The following HMGCLL1 variants were observed in gnomAD, a reference collection of about 807,000 sequenced individuals.
HMGCLL1 encodes the protein 3-hydroxy-3-methylglutaryl-CoA lyase like 1.
In HMGCLL1, 36 loss-of-function variants were observed where a neutral mutation model predicts 39.1. The ratio of observed to expected loss-of-function variants is 0.92; its 90% CI spans 0.71 to 1.22. The LOEUF (loss-of-function observed/expected upper bound fraction) is 1.22, where lower values mean the gene tolerates loss of function less well. Among genes scored for constraint, HMGCLL1 ranks in the 50% most tolerant of loss-of-function variants. The probability of loss-of-function intolerance (pLI) is 0.00; values close to 1 mark genes in which losing one functional copy is unlikely to be tolerated. For synonymous variants in HMGCLL1, 149 were observed against 144.0 expected (o/e 1.03, Z -0.25); for missense variants, 451 against 416.5 (o/e 1.08, Z -0.72).
intron 7 of HMGCLL1, among the ~76,000 whole-genome samples, chr6:55,489,204 T>C (rs1766193300): frequency 6.6e-6 from 1 of 151,966 alleles, no homozygotes; most frequent in African/African-American, 2.4e-5. Context: ...AGTTTAAAAA[T>C]AAAAAGCTTA....
chr6:55,518,043 A>T (rs73746356), intron 3 of HMGCLL1, among the ~76,000 whole-genome samples: 1 of 152,138 alleles, frequency 6.6e-6, no homozygotes, highest in African/African-American at 2.4e-5. Context: ...ACAATGCATA[A>T]AAGTGATATC....
the HMGCLL1 span, among the ~76,000 whole-genome samples, chr6:55,609,307 C>T: frequency 6.6e-6 from 1 of 152,140 alleles, no homozygotes; most frequent in Non-Finnish European, 1.5e-5. Flanking sequence ...AGGGCAGCAG[C>T]CATCACTGTA....
the HMGCLL1 span, among the ~76,000 whole-genome samples, chr6:55,619,244 G>A: frequency 1.3e-5 from 2 of 151,998 alleles, no homozygotes; most frequent in Non-Finnish European, 2.9e-5. Context: ...CATGTGTTAC[G>A]AAGTTGAATA....
the HMGCLL1 span, among the ~76,000 whole-genome samples, chr6:55,671,555 G>A: frequency 1.3e-5 from 2 of 151,768 alleles, no homozygotes; most frequent in African/African-American, 2.4e-5. Context: ...CCTAGTAGTA[G>A]GTACAACTGG....
At chr6:55,446,561 C>A (rs1436844921) in intron 7 of HMGCLL1, among the ~76,000 whole-genome samples, 2 of 151,698 alleles carry the variant, frequency 1.3e-5, no homozygotes, top group African/African-American at 2.4e-5. Flanking sequence ...TGGAGGAGAG[C>A]AAATTGCCTG....
the HMGCLL1 span, among the ~76,000 whole-genome samples, chr6:55,669,637 G>T: frequency 2.6e-5 from 4 of 151,806 alleles, no homozygotes; most frequent in African/African-American, 9.6e-5. Flanking sequence ...AAGCTACAAA[G>T]TATCAGCAAA....
intron 1 of HMGCLL1, chr6:55,576,956 T>C (rs1026201118): frequency 2.3e-6 from 3 of 1,296,512 alleles, no homozygotes; most frequent in South Asian, 3.0e-5. Flanking sequence ...TCAAGAGAAA[T>C]AGGGGAATGT....
chr6:55,546,215 A>G (rs929593550), intron 1 of HMGCLL1, among the ~76,000 whole-genome samples: 1 of 152,110 alleles, frequency 6.6e-6, no homozygotes, highest in African/African-American at 2.4e-5. Context: ...CAAAATTTTT[A>G]TTGATTTTAT....
At chr6:55,465,835 G>A (rs1764776729) in intron 7 of HMGCLL1, among the ~76,000 whole-genome samples, 1 of 152,042 alleles carries the variant, frequency 6.6e-6, no homozygotes, top group East Asian at 1.9e-4. Context: ...CATTTTGTAA[G>A]AGTGTAAAAT....
At chr6:55,653,675 C>T in the HMGCLL1 span, among the ~76,000 whole-genome samples, 5 of 151,906 alleles carry the variant, frequency 3.3e-5, no homozygotes, top group Non-Finnish European at 5.9e-5. Flanking sequence ...CAGCCACAGG[C>T]AGAGCCCTTA....
the HMGCLL1 span, among the ~76,000 whole-genome samples, chr6:55,669,707 C>A: frequency 6.6e-5 from 10 of 151,236 alleles, no homozygotes; most frequent in Non-Finnish European, 8.9e-5. Context: ...ATTCAATAAC[C>A]CAAATTAAAG....
At chr6:55,642,310 G>T in the HMGCLL1 span, among the ~76,000 whole-genome samples, 2 of 151,148 alleles carry the variant, frequency 1.3e-5, no homozygotes, top group African/African-American at 4.9e-5. Context: ...GTCTATCATT[G>T]TTGGACATTT....
At chr6:55,596,880 T>C in the HMGCLL1 span, among the ~76,000 whole-genome samples, 1 of 152,132 alleles carries the variant, frequency 6.6e-6, no homozygotes, top group Admixed American at 6.5e-5. Context: ...ATGTAGACAT[T>C]GAAAATCAAT....
At chr6:55,633,655 A>G in the HMGCLL1 span, among the ~76,000 whole-genome samples, 1 of 152,076 alleles carries the variant, frequency 6.6e-6, no homozygotes, top group African/African-American at 2.4e-5. Flanking sequence ...GTAAAATGAT[A>G]TAAGCAAATA....
At chr6:55,620,626 T>C in the HMGCLL1 span, among the ~76,000 whole-genome samples, 2 of 149,316 alleles carry the variant, frequency 1.3e-5, no homozygotes, top group African/African-American at 2.5e-5. Flanking sequence ...TTTGGGGTGT[T>C]ACACACACAC....
At chr6:55,658,381 A>T in the HMGCLL1 span, among the ~76,000 whole-genome samples, 2 of 151,934 alleles carry the variant, frequency 1.3e-5, no homozygotes, top group Non-Finnish European at 2.9e-5. Flanking sequence ...TCCTAAATTG[A>T]ATAATGTGTC....
intron 3 of HMGCLL1, among the ~76,000 whole-genome samples, chr6:55,534,653 C>T (rs1325682400): frequency 1.3e-5 from 2 of 152,192 alleles, no homozygotes; most frequent in Non-Finnish European, 2.9e-5. Flanking sequence ...GCTGTTGCAG[C>T]TCTGACCACT....
intron 7 of HMGCLL1, among the ~76,000 whole-genome samples, chr6:55,442,936 T>C (rs748426777): frequency 3.3e-5 from 5 of 152,174 alleles, no homozygotes; most frequent in Non-Finnish European, 5.9e-5. Context: ...ATTTCTTTAC[T>C]TATAGGTTAA....
At chr6:55,482,043 A>T (rs1765776264) in intron 7 of HMGCLL1, among the ~76,000 whole-genome samples, 1 of 152,102 alleles carries the variant, frequency 6.6e-6, no homozygotes, top group Admixed American at 6.6e-5. Context: ...CCACTTCTTC[A>T]TAAAGTAGTC....
Sources: gnomAD v4.1 joint callset for allele counts (sites outside exome capture counted in the v4.1 genomes callset) on GRCh38, gnomAD v4.1.1 for gene constraint, MANE v1.5 for transcripts, NCBI Gene and HGNC (gene_info 2026-07-23, HGNC 2026-07-21) for gene names.